Variants in ASAP1 observed in about 807,000 individuals in gnomAD.
ASAP1 encodes arf-GAP with SH3 domain, ANK repeat and PH domain-containing protein 1.
In ASAP1, 43 loss-of-function variants were observed where a neutral mutation model predicts 145.2. The ratio of observed to expected loss-of-function variants is 0.30; its 90% CI spans 0.23 to 0.38. The LOEUF (loss-of-function observed/expected upper bound fraction) is 0.38, where lower values mean the gene tolerates loss of function less well. Ranked by LOEUF, ASAP1 falls within the 10% of genes least tolerant of loss-of-function variation. The pLI is 1.00. For synonymous variants in ASAP1, 546 were observed against 515.5 expected, an observed-to-expected ratio of 1.06 and a Z score of -0.80; for missense variants, 1,018 against 1,355.3, an observed-to-expected ratio of 0.75 and a Z score of 3.91.
rs186793400 is a variant in ASAP1, at chr8:130,425,285, T to C, written c.-28+18175A>G. ...AGGCAGAGGTTACAGTGAGGTGAGA[T>C]TGTGCCACTGCACTCCAGCCTGGGT... On this transcript the variant is annotated intron_variant, in intron 1 of 29. Transcript: ENST00000518721. Among the ~76,000 whole-genome samples the C allele has an allele frequency of 4.0e-3, 613 of 152,156 alleles. 3 individuals carry two copies. Among genetic ancestry groups the C allele is most frequent in the African/African-American group, 0.011 (470 of 41,508 alleles).
intron 24 of ASAP1, 55 bp downstream of exon 24, chr8:130,112,039 A>G: frequency 6.7e-7 from 1 of 1,499,524 alleles, no homozygotes; most frequent in Admixed American, 1.7e-5. Flanking sequence ...AGCTCTGAGG[A>G]TGGAGTCACA....
At chr8:130,343,237 A>AG (rs1220917127) in intron 3 of ASAP1, among the ~76,000 whole-genome samples, 1 of 152,186 alleles carries the variant, frequency 6.6e-6, no homozygotes, top group Non-Finnish European at 1.5e-5. Flanking sequence ...TTCAGACAAG[A>AG]GGCTGTATGG....
chr8:130,402,636 C>G (rs1003097313), intron 1 of ASAP1, among the ~76,000 whole-genome samples: 1 of 152,140 alleles, frequency 6.6e-6, no homozygotes, highest in Non-Finnish European at 1.5e-5. Flanking sequence ...CCAGTGATTC[C>G]TAGCTCAATG....
chr8:130,200,195 G>A (rs1815775702), intron 5 of ASAP1, among the ~76,000 whole-genome samples: 2 of 152,170 alleles, frequency 1.3e-5, no homozygotes, highest in South Asian at 4.1e-4. Context: ...CATGAGATGT[G>A]TAGAGATTTC....
intron 1 of ASAP1, among the ~76,000 whole-genome samples, chr8:130,434,629 G>A (rs1252916779): frequency 6.6e-6 from 1 of 152,134 alleles, no homozygotes; most frequent in Non-Finnish European, 1.5e-5. Context: ...CCTTAGGCAG[G>A]AAAGAATGAC....
At chr8:130,283,351 C>T (rs946382479) in intron 3 of ASAP1, among the ~76,000 whole-genome samples, 8 of 152,018 alleles carry the variant, frequency 5.3e-5, no homozygotes, top group African/African-American at 9.7e-5. Context: ...GAGGCTGAGG[C>T]GGGTGGATCA....
chr8:130,317,695 C>G (rs557896990), intron 3 of ASAP1, among the ~76,000 whole-genome samples: 1 of 152,346 alleles, frequency 6.6e-6, no homozygotes, highest in South Asian at 2.1e-4. Flanking sequence ...GCTTTGAGGC[C>G]TGGGGCTCTG....
chr8:130,368,774 G>A (rs11775172), intron 2 of ASAP1, among the ~76,000 whole-genome samples: 5,272 of 152,358 alleles, frequency 0.035, 124 homozygotes, highest in Middle Eastern at 0.065. Context: ...GGCAAGAGAT[G>A]CGGGAGAGTC....
intron 3 of ASAP1, among the ~76,000 whole-genome samples, chr8:130,259,690 G>C (rs1819777616): frequency 6.6e-6 from 1 of 152,204 alleles, no homozygotes; most frequent in South Asian, 2.1e-4. Context: ...TGCCTCACAT[G>C]ACTTCCAAAC....
intron 1 of ASAP1, chr8:130,427,788 CCTCT>C (rs1829978362): frequency 6.6e-6 from 1 of 152,222 alleles, no homozygotes; most frequent in African/African-American, 2.4e-5. Flanking sequence ...GTTTGAATAT[CCTCT>C]CAATGCAATG....
intron 5 of ASAP1, chr8:130,195,291 T>G (rs567932523): frequency 6.7e-6 from 1 of 148,258 alleles, no homozygotes; most frequent in Non-Finnish European, 1.5e-5. Context: ...ATCCAAGCAA[T>G]TGGCGGGGGC....
At chr8:130,268,272 G>A (rs919782153) in intron 3 of ASAP1, among the ~76,000 whole-genome samples, 20 of 152,122 alleles carry the variant, frequency 1.3e-4, no homozygotes, top group Non-Finnish European at 2.2e-4. Flanking sequence ...GAGCACTTGA[G>A]CCCAGGAGCT....
intron 29 of ASAP1, among the ~76,000 whole-genome samples, chr8:130,056,009 T>G (rs1393280460): frequency 1.3e-5 from 2 of 152,246 alleles, no homozygotes; most frequent in Non-Finnish European, 2.9e-5. Flanking sequence ...CTAGGAATGA[T>G]GCTAGGGACA....
At chr8:130,091,843 C>A (rs2097506114) in intron 25 of ASAP1, 130 bp downstream of exon 25, 2 of 995,936 alleles carry the variant, frequency 2.0e-6, no homozygotes, top group Non-Finnish European at 2.8e-6. Context: ...GTCATATATA[C>A]CCGAGTCAGC....
At chr8:130,169,408 C>G (rs1008533487) in intron 9 of ASAP1, among the ~76,000 whole-genome samples, 8 of 152,100 alleles carry the variant, frequency 5.3e-5, no homozygotes, top group Non-Finnish European at 7.4e-5. Flanking sequence ...CCAGTTAAAC[C>G]ATATTTGAAT....
At chr8:130,141,629 C>A (rs1405483603) in intron 13 of ASAP1, among the ~76,000 whole-genome samples, 1 of 152,166 alleles carries the variant, frequency 6.6e-6, no homozygotes, top group African/African-American at 2.4e-5. Context: ...CTCATGGCAG[C>A]CTTGACCTCC....
intron 2 of ASAP1, among the ~76,000 whole-genome samples, chr8:130,392,909 C>A (rs1395201269): frequency 6.6e-6 from 1 of 152,126 alleles, no homozygotes; most frequent in East Asian, 1.9e-4. Flanking sequence ...TCCCATCAGG[C>A]CCCACCTTCA....
At chr8:130,400,527 G>A (rs942895200) in intron 2 of ASAP1, among the ~76,000 whole-genome samples, 6 of 151,344 alleles carry the variant, frequency 4.0e-5, no homozygotes, top group Non-Finnish European at 5.9e-5. Flanking sequence ...GGTGGCTCAC[G>A]CCTGTAATCC....
chr8:130,129,730 G>A (rs2097580315), intron 15 of ASAP1, among the ~76,000 whole-genome samples: 2 of 152,080 alleles, frequency 1.3e-5, no homozygotes, highest in Admixed American at 1.3e-4. Context: ...TGTGAACTAT[G>A]CAAGTCACAC....
Sources: allele counts gnomAD v4.1 joint callset (sites outside exome capture counted in the v4.1 genomes callset), GRCh38; gene constraint gnomAD v4.1.1; transcripts MANE v1.5; gene names NCBI Gene and HGNC (gene_info 2026-07-23, HGNC 2026-07-21).